The following ERC1 variants were observed in gnomAD, a reference collection of about 807,000 sequenced individuals.
The protein encoded by ERC1 is ELKS/RAB6-interacting/CAST family member 1, also known as RAB6 interacting protein 2.
A neutral mutation model predicts 132.0 loss-of-function variants in ERC1; 56 were observed. The observed-to-expected ratio is 0.42, with a 90% CI of 0.34 to 0.53. The LOEUF (loss-of-function observed/expected upper bound fraction) is 0.53, where lower values mean the gene tolerates loss of function less well. ERC1 is among the 20% of genes least tolerant of loss of function. The probability of loss-of-function intolerance (pLI) is 0.03; values close to 1 mark genes in which losing one functional copy is unlikely to be tolerated. For missense variants in ERC1, 1,202 were observed against 1,349.9 expected, an observed-to-expected ratio of 0.89 and a Z score of 1.72; for synonymous variants, 478 against 476.1, an observed-to-expected ratio of 1.00 and a Z score of -0.05.
At chr12:1,362,277 A>G (rs1412231784) in intron 15 of ERC1, among the ~76,000 whole-genome samples, 1 of 152,230 alleles carries the variant, frequency 6.6e-6, no homozygotes, top group Non-Finnish European at 1.5e-5. Flanking sequence ...AAAGGACATC[A>G]GGACTCCAGC....
intron 1 of ERC1, among the ~76,000 whole-genome samples, chr12:1,012,471 CTTT>C (rs58882619): frequency 2.9e-4 from 25 of 85,430 alleles, no homozygotes; most frequent in Admixed American, 4.0e-4. Flanking sequence ...GATATTTAAT[CTTT>C]TTTTTTTTTT....
intron 12 of ERC1, among the ~76,000 whole-genome samples, chr12:1,230,680 G>C (rs1236253287): frequency 6.6e-6 from 1 of 152,106 alleles, no homozygotes; most frequent in Admixed American, 6.5e-5. Context: ...GTCCTCTCTT[G>C]TTATTGTATT....
chr12:1,255,636 T>G (rs1278642268), intron 13 of ERC1, among the ~76,000 whole-genome samples: 1 of 132,606 alleles, frequency 7.5e-6, no homozygotes, highest in African/African-American at 2.8e-5. Flanking sequence ...TTTTTTTTTT[T>G]TTTTTTTTTT....
intron 13 of ERC1, among the ~76,000 whole-genome samples, chr12:1,253,415 A>G (rs2076584952): frequency 1.3e-5 from 2 of 152,060 alleles, no homozygotes; most frequent in African/African-American, 4.8e-5. Flanking sequence ...GGTGGCTCAC[A>G]CCTGTAATCC....
chr12:1,304,916 A>G (rs1437485223), intron 15 of ERC1, among the ~76,000 whole-genome samples: 4 of 147,364 alleles, frequency 2.7e-5, no homozygotes, highest in African/African-American at 7.5e-5. Flanking sequence ...CAGCCTCCCG[A>G]GTAGCTGGGA....
At chr12:1,372,787 C>T (rs73040881) in intron 16 of ERC1, among the ~76,000 whole-genome samples, 9,195 of 152,274 alleles carry the variant, frequency 0.06, 315 homozygotes, top group South Asian at 0.12. Context: ...CCCAGGTGTG[C>T]TCTTTGCCCT....
At chr12:1,239,139 C>A (rs939039962) in intron 13 of ERC1, among the ~76,000 whole-genome samples, 2 of 152,334 alleles carry the variant, frequency 1.3e-5, no homozygotes, top group East Asian at 3.9e-4. Context: ...GACAGACAGT[C>A]TTACTCTGTC....
At chr12:1,317,459 G>A (rs1288943560) in intron 15 of ERC1, among the ~76,000 whole-genome samples, 2 of 152,122 alleles carry the variant, frequency 1.3e-5, no homozygotes, top group Non-Finnish European at 2.9e-5. Flanking sequence ...TAGATGATGG[G>A]TTGATGGGTG....
chr12:1,317,178 A>G (rs1310262100), intron 15 of ERC1, among the ~76,000 whole-genome samples: 3 of 151,958 alleles, frequency 2.0e-5, no homozygotes, highest in Non-Finnish European at 2.9e-5. Flanking sequence ...GAAAAAAAAA[A>G]AAAAAGAAAA....
intron 17 of ERC1, among the ~76,000 whole-genome samples, chr12:1,439,486 G>A (rs1034739275): frequency 6.6e-6 from 1 of 152,128 alleles, no homozygotes; most frequent in Non-Finnish European, 1.5e-5. Flanking sequence ...AAAGCTCTTA[G>A]TACTTAACCA....
chr12:1,252,213 C>T (rs937825084), intron 13 of ERC1, among the ~76,000 whole-genome samples: 6 of 152,196 alleles, frequency 3.9e-5, no homozygotes, highest in South Asian at 2.1e-4. Flanking sequence ...CCTTATTATG[C>T]CACTGAATGC....
intron 2 of ERC1, among the ~76,000 whole-genome samples, chr12:1,054,986 A>G (rs550717139): frequency 5.3e-5 from 8 of 152,302 alleles, no homozygotes; most frequent in African/African-American, 1.9e-4. Flanking sequence ...CACTTAAGCT[A>G]GAAGTTCCAG....
intron 2 of ERC1, among the ~76,000 whole-genome samples, chr12:1,057,143 T>C (rs1448519395): frequency 6.6e-6 from 1 of 152,120 alleles, no homozygotes; most frequent in African/African-American, 2.4e-5. Context: ...TTTTGTTTGT[T>C]TGTTTTGTTT....
intron 13 of ERC1, among the ~76,000 whole-genome samples, chr12:1,258,120 G>A (rs1780476856): frequency 6.6e-6 from 1 of 152,118 alleles, no homozygotes; most frequent in African/African-American, 2.4e-5. Context: ...ATAAACAACA[G>A]GTATGATTTT....
chr12:1,390,019 A>G (rs1193874714), intron 16 of ERC1, among the ~76,000 whole-genome samples: 2 of 151,910 alleles, frequency 1.3e-5, no homozygotes, highest in African/African-American at 4.8e-5. Context: ...TTTCCTCTCC[A>G]CTCATGGGGT....
In ERC1 at chr12:1,067,364, T is replaced by C. The variant is rs148513850; in HGVS notation, c.670-15800T>C. 4.8e-3 allele frequency among the ~76,000 whole-genome samples: 738 copies of C among 152,298 alleles called. 9 individuals carry two copies. The highest frequency in any genetic ancestry group is 0.017 in the African/African-American group (706 of 41,542). ...AGTATTCTAAATATATGTAACTTTG[T>C]AATCATAACACAAACAGAAGTAATG... On this transcript the variant is annotated intron_variant, in intron 2 of 18. Transcript: ENST00000360905.
At chr12:1,234,735 A>G (rs965406962) in intron 12 of ERC1, among the ~76,000 whole-genome samples, 2 of 152,244 alleles carry the variant, frequency 1.3e-5, no homozygotes, top group African/African-American at 4.8e-5. Flanking sequence ...GATCTGGCAC[A>G]GAAATATACA....
At chr12:999,229 GCTTT>G (rs1961633084) in intron 1 of ERC1, among the ~76,000 whole-genome samples, 2 of 151,978 alleles carry the variant, frequency 1.3e-5, no homozygotes, top group African/African-American at 4.8e-5. Flanking sequence ...CTTTCTCATC[GCTTT>G]CTATTTCATT....
intron 11 of ERC1, among the ~76,000 whole-genome samples, chr12:1,184,423 A>T (rs1378938288): frequency 6.6e-6 from 1 of 152,078 alleles, no homozygotes; most frequent in Admixed American, 6.5e-5. Flanking sequence ...TTTATAGCTT[A>T]TGTGTAGATT....
Sources: allele counts gnomAD v4.1 joint callset (sites outside exome capture counted in the v4.1 genomes callset), GRCh38; gene constraint gnomAD v4.1.1; transcripts MANE v1.5; gene names NCBI Gene and HGNC (gene_info 2026-07-23, HGNC 2026-07-21).